The following TAF3 variants were observed in gnomAD, a reference collection of about 807,000 sequenced individuals.
The protein encoded by TAF3 is TATA-box binding protein associated factor 3.
TAF3 carries 7 observed loss-of-function variants against 80.6 expected under a neutral mutation model. That is an observed-to-expected ratio of 0.09 (90% CI 0.05 to 0.16). The LOEUF (loss-of-function observed/expected upper bound fraction) is 0.16, where lower values mean the gene tolerates loss of function less well. Ranked by LOEUF, TAF3 falls within the 10% of genes least tolerant of loss-of-function variation. The probability of loss-of-function intolerance (pLI) is 1.00; values close to 1 mark genes in which losing one functional copy is unlikely to be tolerated. For synonymous variants in TAF3, 444 were observed against 446.1 expected (o/e 1.00, Z 0.06); for missense variants, 921 against 1,140.2 (o/e 0.81, Z 2.77).
At chr10:7,910,619 G>A (rs1296102388) in intron 2 of TAF3, among the ~76,000 whole-genome samples, 1 of 152,164 alleles carries the variant, frequency 6.6e-6, no homozygotes. Flanking sequence ...GACCTCAAAT[G>A]ATCCACCCAC....
intron 4 of TAF3, among the ~76,000 whole-genome samples, chr10:7,988,598 A>T (rs1730374125): frequency 6.8e-6 from 1 of 147,476 alleles, no homozygotes; most frequent in Non-Finnish European, 1.5e-5. Context: ...AAAAAAAAAA[A>T]AAAGAAGCCA....
chr10:7,824,674 T>G, intron 2 of TAF3, 114 bp downstream of exon 2: 1 of 1,289,148 alleles, frequency 7.8e-7, no homozygotes, highest in Non-Finnish European at 1.1e-6. Flanking sequence ...TAGAAACATT[T>G]ACTGTTACTT....
At chr10:7,966,159 T>C (rs1831569351) in intron 3 of TAF3, among the ~76,000 whole-genome samples, 1 of 152,228 alleles carries the variant, frequency 6.6e-6, no homozygotes, top group South Asian at 2.1e-4. Flanking sequence ...CACGGCACTA[T>C]TTTAAGAGGA....
At chr10:7,828,922 C>G (rs762518932) in intron 2 of TAF3, among the ~76,000 whole-genome samples, 3 of 146,474 alleles carry the variant, frequency 2.0e-5, no homozygotes, top group African/African-American at 5.0e-5. Flanking sequence ...CCCAGCTACT[C>G]GGGAGGCTGA....
intron 1 of TAF3, among the ~76,000 whole-genome samples, chr10:7,819,201 CCCCCAG>C (rs1005866239): frequency 2.6e-5 from 4 of 152,014 alleles, no homozygotes; most frequent in African/African-American, 9.7e-5. Context: ...GGTAGATCCA[CCCCCAG>C]CGTGCCCTAC....
At chr10:7,894,781 A>G (rs1343346411) in intron 2 of TAF3, among the ~76,000 whole-genome samples, 7 of 152,094 alleles carry the variant, frequency 4.6e-5, no homozygotes. Context: ...ACTTTATTTA[A>G]ATACAGGATG....
chr10:7,920,539 A>G (rs1005359370), intron 2 of TAF3, among the ~76,000 whole-genome samples: 1 of 152,138 alleles, frequency 6.6e-6, no homozygotes, highest in Non-Finnish European at 1.5e-5. Flanking sequence ...GTAGCCTATA[A>G]TGAAATAGAA....
At chr10:7,930,977 C>T (rs1341285984) in intron 2 of TAF3, among the ~76,000 whole-genome samples, 1 of 152,142 alleles carries the variant, frequency 6.6e-6, no homozygotes, top group Non-Finnish European at 1.5e-5. Flanking sequence ...ATCTGTGCTG[C>T]ACACTATAAA....
rs1451131564 is a variant in TAF3 at position 8,009,254 on chromosome 10, C to T, written c.2492C>T (p.Pro831Leu). The change falls in exon 5 of 7, where the codon CCG becomes CTG. Residue 831 changes from proline to leucine, a missense_variant. Coordinates refer to ENST00000344293, the MANE Select transcript of TAF3 (RefSeq NM_031923.4). The surrounding 1 kb of genome is among the most constrained non-coding windows in gnomAD (Gnocchi z 4.1). ...AAAGPALLPSPGPAASGASAK... is the reference protein window; with the variant it reads ...AAAGPALLPSLGPAASGASAK... ...GCGGGCCCTGCCCTGCTGCCCTCCC[C>T]GGGTCCCGCCGCCTCCGGGGCCAGT... The T allele has an allele frequency of 2.6e-6, 4 of 1,537,322 alleles. No individual in the cohort carries two copies. Among genetic ancestry groups the T allele is most frequent in the East Asian group, 2.6e-5 (1 of 38,406 alleles).
chr10:7,869,925 G>A (rs548742481), intron 2 of TAF3, among the ~76,000 whole-genome samples: 1 of 151,938 alleles, frequency 6.6e-6, no homozygotes, highest in Non-Finnish European at 1.5e-5. Flanking sequence ...CTTTTATCAC[G>A]CCTGACCCCT....
At chr10:7,881,984 A>G (rs1837366520) in intron 2 of TAF3, among the ~76,000 whole-genome samples, 1 of 152,248 alleles carries the variant, frequency 6.6e-6, no homozygotes, top group Non-Finnish European at 1.5e-5. Flanking sequence ...CAGTAATATA[A>G]GGAACTAGTA....
chr10:7,892,279 T>C (rs1448282475), intron 2 of TAF3, among the ~76,000 whole-genome samples: 1 of 152,228 alleles, frequency 6.6e-6, no homozygotes, highest in African/African-American at 2.4e-5. Flanking sequence ...AGATTTAGCA[T>C]GTGCTGCCTG....
chr10:7,947,830 G>A (rs183582381), intron 2 of TAF3, among the ~76,000 whole-genome samples: 4 of 152,232 alleles, frequency 2.6e-5, no homozygotes, highest in African/African-American at 4.8e-5. Flanking sequence ...TTTGGGATTC[G>A]GAGTTGGAGA....
At chr10:7,978,796 G>T (rs1831696650) in intron 4 of TAF3, among the ~76,000 whole-genome samples, 1 of 152,184 alleles carries the variant, frequency 6.6e-6, no homozygotes. Context: ...TTATTCCCAT[G>T]TCTCAGTAAC....
Position 7,824,527 on chromosome 10 carries a change from GATT to G in TAF3, c.378_380del (p.Tyr127del), listed in dbSNP as rs1836722729. 6.2e-7 allele frequency: 1 copy of G among 1,613,978 alleles called. No homozygotes were observed. Among genetic ancestry groups the G allele is most frequent in the Non-Finnish European group, 8.5e-7 (1 of 1,180,006 alleles). On this transcript the variant is annotated inframe_deletion, in exon 2 of 7. Transcript: ENST00000344293. Reference sequence around the variant, plus strand: ...AGAGGAAAGAAAAGAATACATTCCTGATTACCTGCCACCCATTGTGTCTTCTCA... The same window carrying G: ...AGAGGAAAGAAAAGAATACATTCCTGACCTGCCACCCATTGTGTCTTCTCA...
chr10:8,002,491 A>G (rs994290565), intron 4 of TAF3, among the ~76,000 whole-genome samples: 27 of 152,352 alleles, frequency 1.8e-4, no homozygotes, highest in African/African-American at 6.3e-4. Context: ...CATCATGTTA[A>G]AAGCTGAGGA....
intron 3 of TAF3, 125 bp from the exon 4 acceptor site, chr10:7,977,116 A>T: frequency 1.2e-6 from 1 of 809,148 alleles, no homozygotes; most frequent in Non-Finnish European, 2.0e-6. Context: ...TTTCTGTCTA[A>T]ATTTTAGCCA....
chr10:7,843,275 C>T (rs1564345595), intron 2 of TAF3, among the ~76,000 whole-genome samples: 1 of 144,586 alleles, frequency 6.9e-6, no homozygotes, highest in Admixed American at 7.0e-5. Context: ...GCCCAGCTAA[C>T]TTTTTTTTTT....
intron 5 of TAF3, among the ~76,000 whole-genome samples, chr10:8,012,083 G>A (rs1319350066): frequency 6.6e-6 from 1 of 152,078 alleles, no homozygotes; most frequent in Non-Finnish European, 1.5e-5. Context: ...AGGCTGAGCT[G>A]GGAAGATCAC....
Sources: gnomAD v4.1 joint callset for allele counts (sites outside exome capture counted in the v4.1 genomes callset) on GRCh38, gnomAD v4.1.1 for gene constraint, Gnocchi (gnomAD v3.1) non-coding constraint, MANE v1.5 for transcripts, NCBI Gene and HGNC (gene_info 2026-07-23, HGNC 2026-07-21) for gene names.